Variants in GRM4 observed in about 807,000 individuals in gnomAD.
GRM4 encodes the protein metabotropic glutamate receptor 4.
Under a neutral mutation model 81.7 loss-of-function variants are expected in GRM4, and 28 were observed. That is an observed-to-expected ratio of 0.34 (90% CI 0.25 to 0.47). The LOEUF is 0.47. Among genes scored for constraint, GRM4 ranks in the 20% least tolerant of loss-of-function variants. The probability of loss-of-function intolerance (pLI) is 1.00; values close to 1 mark genes in which losing one functional copy is unlikely to be tolerated. For missense variants in GRM4, 948 were observed against 1,290.0 expected, an observed-to-expected ratio of 0.73 and a Z score of 4.06; for synonymous variants, 488 against 528.8, an observed-to-expected ratio of 0.92 and a Z score of 1.06.
intron 8 of GRM4, among the ~76,000 whole-genome samples, chr6:34,038,133 G>A (rs901155417): frequency 6.6e-6 from 1 of 152,222 alleles, no homozygotes; most frequent in Non-Finnish European, 1.5e-5. Context: ...GCGATGGTGA[G>A]TGTTCCGGAA....
Position 34,028,281 on chromosome 6 carries a change from T to C in GRM4, c.2528A>G (p.Tyr843Cys). The C allele has an allele frequency of 6.2e-7, 1 of 1,613,972 alleles. No individual in the cohort carries two copies. Among genetic ancestry groups the C allele is most frequent in the Non-Finnish European group, 8.5e-7 (1 of 1,179,990 alleles). The change falls in exon 10 of 11, where the codon TAC (tyrosine) becomes TGC (cysteine). Residue 843 changes from tyrosine (Y) to cysteine (C), a missense_variant. Transcript: ENST00000538487. Reference sequence around the variant, plus strand: ...CTGCTCCGGGTGGAAGAGGATGATGTAGACTTTGGGCATGTAGAGCATTCC... The same window carrying C: ...CTGCTCCGGGTGGAAGAGGATGATGCAGACTTTGGGCATGTAGAGCATTCC... ...SLGMLYMPKV[Y>C]IILFHPEQNV... is the part of the protein sequence containing the mutation.
chr6:34,113,294 G>A (rs1261670482), intron 2 of GRM4, among the ~76,000 whole-genome samples: 1 of 151,952 alleles, frequency 6.6e-6, no homozygotes, highest in Non-Finnish European at 1.5e-5. Flanking sequence ...TGGGACCACA[G>A]GTGCTCACCA....
chr6:34,099,138 A>G (rs1768698011), intron 2 of GRM4, among the ~76,000 whole-genome samples: 1 of 152,214 alleles, frequency 6.6e-6, no homozygotes, highest in Non-Finnish European at 1.5e-5. Context: ...GGGAAGAGCC[A>G]CAGGGTGAGG....
chr6:34,119,778 G>A (rs1769732393), intron 2 of GRM4, among the ~76,000 whole-genome samples: 1 of 152,226 alleles, frequency 6.6e-6, no homozygotes, highest in South Asian at 2.1e-4. Flanking sequence ...ATGCACTGAC[G>A]AAGCATGTCC....
chr6:34,028,085 G>C (rs2127436310), intron 10 of GRM4, 35 bp downstream of exon 10: 1 of 1,586,618 alleles, frequency 6.3e-7, no homozygotes, highest in Non-Finnish European at 8.6e-7. Context: ...GCGGGGCCTG[G>C]GGCCCGAGAG....
chr6:34,087,005 G>T (rs1446650286), intron 3 of GRM4, among the ~76,000 whole-genome samples: 1 of 152,102 alleles, frequency 6.6e-6, no homozygotes, highest in Non-Finnish European at 1.5e-5. Flanking sequence ...TATGCCTGTG[G>T]TTCCAGCTAC....
intron 2 of GRM4, among the ~76,000 whole-genome samples, chr6:34,096,187 T>C (rs1374286417): frequency 6.6e-6 from 1 of 152,094 alleles, no homozygotes; most frequent in Non-Finnish European, 1.5e-5. Flanking sequence ...CACACCCTCA[T>C]GGGGCAAGAG....
chr6:34,073,011 C>CCA (rs568651126), intron 3 of GRM4, among the ~76,000 whole-genome samples: 4 of 40,296 alleles, frequency 9.9e-5, no homozygotes, highest in East Asian at 7.8e-4. Flanking sequence ...CAGATACACA[C>CCA]CACACACACA....
At chr6:34,139,246 GC>G (rs746227154) in intron 1 of GRM4, among the ~76,000 whole-genome samples, 13 of 152,160 alleles carry the variant, frequency 8.5e-5, no homozygotes, top group Non-Finnish European at 1.9e-4. Flanking sequence ...TCCCTGTTCT[GC>G]CAAAACAACA....
chr6:34,037,566 T>C (rs1015739551), intron 8 of GRM4, among the ~76,000 whole-genome samples: 6 of 151,902 alleles, frequency 3.9e-5, no homozygotes, highest in Admixed American at 6.6e-5. Flanking sequence ...GGGAGGGCTT[T>C]AGAATAAAGG....
At chr6:34,046,301 GATGTACATATAA>G (rs1408875886) in intron 6 of GRM4, among the ~76,000 whole-genome samples, 1 of 152,132 alleles carries the variant, frequency 6.6e-6, no homozygotes, top group East Asian at 1.9e-4. Context: ...CTCTAACACA[GATGTACATATAA>G]ATGCTTCTAA....
rs74809406 is a variant in GRM4, at chr6:34,129,883, C to T, written c.519+3095G>A. On this transcript the variant is annotated intron_variant, in intron 2 of 10. Coordinates refer to ENST00000538487, the MANE Select transcript of GRM4 (RefSeq NM_000841.4). Reference sequence around the variant, plus strand: ...GCAGGAAATCACCTGAGTGCCCCCACACCCAGGGCTCCCCTCTGAGCCAAG... The same window carrying T: ...GCAGGAAATCACCTGAGTGCCCCCATACCCAGGGCTCCCCTCTGAGCCAAG... Among the ~76,000 whole-genome samples the T allele has an allele frequency of 6.8e-3, 1,040 of 152,328 alleles. 11 individuals are homozygous for T. The highest frequency in any genetic ancestry group is 0.024 in the African/African-American group (991 of 41,564).
chr6:34,044,671 GAC>G (rs555808028), intron 6 of GRM4, among the ~76,000 whole-genome samples: 4,369 of 72,404 alleles, frequency 0.06, 306 homozygotes, highest in African/African-American at 0.22. Flanking sequence ...TATATACACA[GAC>G]ACACACACAC....
intron 6 of GRM4, among the ~76,000 whole-genome samples, chr6:34,044,317 CAG>C (rs1765187864): frequency 2.7e-5 from 4 of 149,792 alleles, no homozygotes; most frequent in African/African-American, 9.9e-5. Context: ...CATATATACA[CAG>C]ACACACATAC....
In GRM4 at chr6:34,090,822, A is replaced by T. The variant is rs1768163402; in HGVS notation, c.736+1061T>A. On this transcript the variant is annotated intron_variant, in intron 3 of 10. Transcript: ENST00000538487. This position sits in a 1 kb window ranked among gnomAD's most constrained non-coding sequence, Gnocchi z 5.2. ...GTCCTGAGGCCATGAGGGTATAAAT[A>T]TACAGACGCCATCACCCAAGGTCTC... Among the ~76,000 whole-genome samples, 1 of 152,150 alleles carries T rather than the reference A, an allele frequency of 6.6e-6. No individual in the cohort carries two copies. The highest frequency in any genetic ancestry group is 2.4e-5 in the African/African-American group (1 of 41,420).
intron 6 of GRM4, among the ~76,000 whole-genome samples, chr6:34,051,176 T>G (rs1486918438): frequency 1.3e-5 from 2 of 152,150 alleles, no homozygotes; most frequent in Non-Finnish European, 2.9e-5. Context: ...GCACCTGGTC[T>G]AAGCAAAATG....
rs1195040239 is a variant in GRM4, at chr6:34,111,397, C to CACACACACACACACACAA, written c.520-19299_520-19298insTTGTGTGTGTGTGTGTGT. On this transcript the variant is annotated intron_variant, in intron 2 of 10. Coordinates refer to ENST00000538487, the MANE Select transcript of GRM4 (RefSeq NM_000841.4). The surrounding 1 kb of genome is among the most constrained non-coding windows in gnomAD (Gnocchi z 5.1). ...AAGTACAACCAACCGTGCACACACACACACACACACACACAAACACACACA... is the reference window on the plus strand; with the variant it reads ...AAGTACAACCAACCGTGCACACACACACACACACACACACACAAACACACACACACACAAACACACACA... Among the ~76,000 whole-genome samples the CACACACACACACACACAA allele has an allele frequency of 6.6e-6, 1 of 152,086 alleles. No homozygotes were observed. The highest frequency in any genetic ancestry group is 2.4e-5 in the African/African-American group (1 of 41,396).
intron 2 of GRM4, among the ~76,000 whole-genome samples, chr6:34,109,487 G>A (rs150172327): frequency 3.0e-4 from 45 of 152,192 alleles, no homozygotes; most frequent in South Asian, 6.2e-4. Flanking sequence ...CAGCAGGCAC[G>A]GCCAGGCCTC....
rs2127468243 is a variant in GRM4 at position 34,070,132 on chromosome 6, C to T, written c.737-8104G>A. ...AGTTGGAGGTGAACACTCGCACCTG[C>T]TCACACGCTCCCATCCCCTCGGTGA... is the stretch of plus-strand genomic sequence containing the variant. On this transcript the variant is annotated intron_variant, in intron 3 of 10. Transcript: ENST00000538487. The surrounding 1 kb of genome is among the most constrained non-coding windows in gnomAD (Gnocchi z 4.6). 6.6e-6 allele frequency among the ~76,000 whole-genome samples: 1 copy of T among 152,218 alleles called. No individual in the cohort carries two copies. Among genetic ancestry groups the T allele is most frequent in the South Asian group, 2.1e-4 (1 of 4,828 alleles).
Sources: gnomAD v4.1 joint callset for allele counts (sites outside exome capture counted in the v4.1 genomes callset) on GRCh38, gnomAD v4.1.1 for gene constraint, Gnocchi (gnomAD v3.1) non-coding constraint, MANE v1.5 for transcripts, NCBI Gene and HGNC (gene_info 2026-07-23, HGNC 2026-07-21) for gene names.